The following PNPLA7 variants were observed in gnomAD, a reference collection of about 807,000 sequenced individuals.
PNPLA7 encodes patatin like domain 7, lysophospholipase, also known as patatin-like phospholipase domain-containing protein 7.
In PNPLA7, 153 loss-of-function variants were observed where a neutral mutation model predicts 161.7. That is an observed-to-expected ratio of 0.95 (90% CI 0.83 to 1.08). PNPLA7 has a LOEUF of 1.08. PNPLA7 is among the 50% of genes least tolerant of loss of function. The pLI is 0.00. For missense variants in PNPLA7, 1,739 were observed against 1,856.6 expected (o/e 0.94, Z 1.16); for synonymous variants, 809 against 782.1 (o/e 1.03, Z -0.57).
chr9:137,549,136 T>C (rs1836703726), intron 1 of PNPLA7, among the ~76,000 whole-genome samples: 1 of 152,220 alleles, frequency 6.6e-6, no homozygotes, highest in African/African-American at 2.4e-5. Flanking sequence ...GGTCCAGTGT[T>C]CTGGTTTAGG....
chr9:137,462,363 C>T (rs767806566), intron 30 of PNPLA7, 32 bp from the exon 31 acceptor site: 2 of 1,571,350 alleles, frequency 1.3e-6, no homozygotes, highest in Non-Finnish European at 1.7e-6. Flanking sequence ...GAGTCTCCTG[C>T]CCCGGCCCCT....
At chr9:137,464,829 G>A (rs1293417686) in intron 26 of PNPLA7, 1 of 263,168 alleles carries the variant, frequency 3.8e-6, no homozygotes. Context: ...AGGAGAGCTC[G>A]GGGCGGGCTG....
At chr9:137,471,535 T>C (rs1831705793) in intron 25 of PNPLA7, among the ~76,000 whole-genome samples, 1 of 150,450 alleles carries the variant, frequency 6.6e-6, no homozygotes, top group South Asian at 2.1e-4. Context: ...GAGGTGGAAA[T>C]TGCAGTGAGC....
At chr9:137,528,897 T>C (rs888406865) in intron 8 of PNPLA7, among the ~76,000 whole-genome samples, 2 of 151,940 alleles carry the variant, frequency 1.3e-5, no homozygotes, top group Non-Finnish European at 2.9e-5. Context: ...AGACGAGGTT[T>C]CACTGCGTTA....
rs1166690068 is a variant in PNPLA7 at position 137,505,729 on chromosome 9, G to A, written c.1358C>T (p.Pro453Leu). Residue 453 changes from proline to leucine, a missense_variant, in exon 14 of 35, where the codon CCC becomes CTC. Transcript: ENST00000406427. ...SRKSVMVAEI[P>L]STVSQHSESH... Reference sequence around the variant, plus strand: ...CTCTGAGTGCTGGGAGACCGTGGAGGGTATCTCTGCAACCATCACGCTTTT... The same window carrying A: ...CTCTGAGTGCTGGGAGACCGTGGAGAGTATCTCTGCAACCATCACGCTTTT... The A allele has an allele frequency of 6.2e-7, 1 of 1,613,964 alleles. No individual in the cohort carries two copies. The highest frequency in any genetic ancestry group is 1.3e-5 in the African/African-American group (1 of 74,928).
chr9:137,472,221 G>A (rs1831737415), intron 25 of PNPLA7, among the ~76,000 whole-genome samples: 1 of 152,036 alleles, frequency 6.6e-6, no homozygotes, highest in South Asian at 2.1e-4. Context: ...CAGTTCAGGA[G>A]GGAGGGAAGG....
At chr9:137,550,124 C>T in intron 1 of PNPLA7, 44 bp downstream of exon 1, 1 of 1,611,678 alleles carries the variant, frequency 6.2e-7, no homozygotes, top group Non-Finnish European at 8.5e-7. Context: ...CAGAAATGCC[C>T]CCCAACTGGG....
intron 26 of PNPLA7, among the ~76,000 whole-genome samples, chr9:137,465,872 G>A (rs1334123959): frequency 2.0e-5 from 3 of 152,164 alleles, no homozygotes; most frequent in South Asian, 2.1e-4. Context: ...CGGTGGCCAC[G>A]TCTGCTGGGG....
intron 25 of PNPLA7, among the ~76,000 whole-genome samples, chr9:137,471,788 C>T (rs767246697): frequency 5.3e-5 from 8 of 151,820 alleles, no homozygotes; most frequent in Admixed American, 2.6e-4. Flanking sequence ...TCAATGTTGT[C>T]GACTAATGAT....
intron 12 of PNPLA7, among the ~76,000 whole-genome samples, chr9:137,514,809 G>A (rs373289125): frequency 6.8e-6 from 1 of 147,000 alleles, no homozygotes; most frequent in Non-Finnish European, 1.5e-5. Context: ...TGAGGTGCCC[G>A]GGCCCTGTGG....
intron 24 of PNPLA7, 199 bp downstream of exon 24, chr9:137,478,857 G>A (rs1219590785): frequency 2.3e-5 from 17 of 744,246 alleles, no homozygotes; most frequent in East Asian, 6.3e-5. Flanking sequence ...CCACTGCACC[G>A]GCTGCTTCCT....
chr9:137,507,576 G>C (rs1833989798), intron 12 of PNPLA7, among the ~76,000 whole-genome samples: 1 of 152,164 alleles, frequency 6.6e-6, no homozygotes, highest in Non-Finnish European at 1.5e-5. Context: ...GGCTGAGGCA[G>C]GAGAATCCCT....
intron 14 of PNPLA7, among the ~76,000 whole-genome samples, 176 bp from the exon 15 acceptor site, chr9:137,501,903 A>G (rs541607860): frequency 6.6e-6 from 1 of 152,370 alleles, no homozygotes; most frequent in East Asian, 1.9e-4. Context: ...CACCCTGCAG[A>G]GCCACCGATG....
intron 20 of PNPLA7, chr9:137,491,991 A>G (rs910527605): frequency 1.0e-6 from 1 of 985,322 alleles, no homozygotes. Flanking sequence ...GGCTCCAGGC[A>G]GAGAGCAGCA....
intron 25 of PNPLA7, among the ~76,000 whole-genome samples, chr9:137,470,667 A>C (rs1831665620): frequency 6.6e-6 from 1 of 152,260 alleles, no homozygotes; most frequent in Admixed American, 6.5e-5. Context: ...AAACCCGGTA[A>C]AGACATTTCA....
chr9:137,487,725 C>T (rs542265011), intron 20 of PNPLA7, among the ~76,000 whole-genome samples: 21 of 152,360 alleles, frequency 1.4e-4, no homozygotes, highest in Non-Finnish European at 2.2e-4. Flanking sequence ...CCAGCCACAC[C>T]GGCACGGAAC....
chr9:137,467,390 G>A lies in PNPLA7; in HGVS notation c.2966C>T (p.Ala989Val). 1.2e-6 allele frequency: 2 copies of A among 1,613,530 alleles called. No individual in the cohort carries two copies. Among genetic ancestry groups the A allele is most frequent in the Non-Finnish European group, 1.7e-6 (2 of 1,180,002 alleles). ...CTCAGAGTACAGGGCACCCACGAAG[G>A]CCCCGATGGACGTGCCTCCCACCAT... ...VDMVGGTSIG[A>V]FVGALYSEER... is the part of the protein sequence containing the mutation. The change falls in exon 26 of 35, where the codon GCC becomes GTC. Residue 989 changes from alanine to valine, a missense_variant. Ala to Val is a moderately conservative substitution (Grantham distance 64, BLOSUM62 0). This residue lies in a region of PNPLA7 where 703 missense variants were observed against 694.6 expected (regional missense o/e 1.01). Transcript: ENST00000406427. The surrounding 1 kb of genome is among the most constrained non-coding windows in gnomAD (Gnocchi z 5.1).
chr9:137,539,003 G>A (rs535566983), intron 8 of PNPLA7, among the ~76,000 whole-genome samples: 22 of 152,286 alleles, frequency 1.4e-4, no homozygotes, highest in African/African-American at 5.1e-4. Flanking sequence ...AGTGAGCCAA[G>A]ATCGTGGCAC....
Position 137,520,779 on chromosome 9 carries a change from C to T in PNPLA7, c.958-736G>A, listed in dbSNP as rs1255596604. On this transcript the variant is annotated intron_variant, in intron 10 of 34. Transcript: ENST00000406427. This position sits in a 1 kb window ranked among gnomAD's most constrained non-coding sequence, Gnocchi z 5.2. ...CAGGAGGAGGGAGAGCCGGGGTTGACAGCCTTGTGCCCTTGACAATGCGCT... is the reference window on the plus strand; with the variant it reads ...CAGGAGGAGGGAGAGCCGGGGTTGATAGCCTTGTGCCCTTGACAATGCGCT... 2.6e-5 allele frequency among the ~76,000 whole-genome samples: 4 copies of T among 152,228 alleles called. No homozygotes were observed. Among genetic ancestry groups the T allele is most frequent in the African/African-American group, 7.2e-5 (3 of 41,460 alleles).
Sources: allele counts gnomAD v4.1 joint callset (sites outside exome capture counted in the v4.1 genomes callset), GRCh38; gene constraint gnomAD v4.1.1; regional missense constraint gnomAD v4.1.1; non-coding constraint Gnocchi (gnomAD v3.1); transcripts MANE v1.5; gene names NCBI Gene and HGNC (gene_info 2026-07-23, HGNC 2026-07-21).